MCTP2: variants seen among roughly 807,000 people sequenced by gnomAD.
The protein encoded by MCTP2 is multiple C2 and transmembrane domain containing 2.
Under a neutral mutation model 111.6 loss-of-function variants are expected in MCTP2, and 132 were observed. That is an observed-to-expected ratio of 1.18 (90% CI 1.03 to 1.37). The LOEUF (loss-of-function observed/expected upper bound fraction) is 1.37, where lower values mean the gene tolerates loss of function less well. Among genes scored for constraint, MCTP2 ranks in the 40% most tolerant of loss-of-function variants. The pLI, the probability that MCTP2 is intolerant of heterozygous loss-of-function variation, is 0.00. For missense variants in MCTP2, 1,183 were observed against 1,067.9 expected, an observed-to-expected ratio of 1.11 and a Z score of -1.50; for synonymous variants, 395 against 387.7, an observed-to-expected ratio of 1.02 and a Z score of -0.22.
chr15:94,349,992 G>A (rs368344592), intron 8 of MCTP2, among the ~76,000 whole-genome samples: 1 of 152,190 alleles, frequency 6.6e-6, no homozygotes, highest in African/African-American at 2.4e-5. Flanking sequence ...GCCGCAGCTG[G>A]TAATGGTTAG....
At chr15:94,379,757 A>G (rs2080003411) in intron 12 of MCTP2, among the ~76,000 whole-genome samples, 2 of 146,862 alleles carry the variant, frequency 1.4e-5, no homozygotes, top group East Asian at 3.9e-4. Context: ...TATATAATAT[A>G]TATAATATAT....
rs542776603 is a variant in MCTP2 at position 94,326,088 on chromosome 15, G to A, written c.637+10451G>A. 2.2e-3 allele frequency among the ~76,000 whole-genome samples: 342 copies of A among 152,026 alleles called. 4 individuals are homozygous for A. The highest frequency in any genetic ancestry group is 1.9e-3 in the Non-Finnish European group (132 of 67,974). On this transcript the variant is annotated intron_variant, in intron 4 of 22. Transcript: ENST00000357742. ...CCTGCCTCAGCCTCCCAAAGTGCTG[G>A]GATTACAGGCATGAGCCACCGTGGC...
At chr15:94,249,588 C>T (rs1317135056) in intron 1 of MCTP2, among the ~76,000 whole-genome samples, 1 of 151,972 alleles carries the variant, frequency 6.6e-6, no homozygotes, top group East Asian at 1.9e-4. Context: ...TGGGTTCACG[C>T]CATTCTCCTG....
chr15:94,248,003 A>G (rs115442477), intron 1 of MCTP2, among the ~76,000 whole-genome samples: 2,003 of 152,280 alleles, frequency 0.013, 39 homozygotes, highest in African/African-American at 0.045. Context: ...GGAGTAGATT[A>G]GGAGATTAAG....
chr15:94,369,208 T>A (rs937899484), intron 11 of MCTP2, among the ~76,000 whole-genome samples: 3 of 152,240 alleles, frequency 2.0e-5, no homozygotes, highest in Admixed American at 1.3e-4. Flanking sequence ...TTAGGCAAAC[T>A]GTTATTAAGC....
In MCTP2 at chr15:94,338,807, A is replaced by G. The variant is rs567608537; in HGVS notation, c.638-483A>G. Among the ~76,000 whole-genome samples the G allele has an allele frequency of 1.1e-4, 16 of 152,346 alleles. No homozygotes were observed. The South Asian group carries it at 3.3e-3, about 32-fold the overall frequency. The stretch of plus-strand genomic sequence containing the variant: ...CGCCTCCAGTTTCACTTGTAGCCCC[A>G]TCGTGCCATCTTTTGAGCCAGTGAT... On this transcript the variant is annotated intron_variant, in intron 4 of 22. Transcript: ENST00000357742.
At position 94,481,964 on chromosome 15, in the gene MCTP2, T is replaced by G. The variant is rs1293184624; in HGVS notation, c.*2930T>G. The G allele has an allele frequency of 3.9e-5, 6 of 152,244 alleles. No individual in the cohort carries two copies. The highest frequency in any genetic ancestry group is 3.9e-4 in the Admixed American group (6 of 15,288). The allele number at this position is 152,244 out of a possible 1,614,324, so 9.4% of individuals were successfully genotyped here. On this transcript the variant is annotated 3_prime_UTR_variant, in exon 23 of 23. Coordinates refer to ENST00000357742, the MANE Select transcript of MCTP2 (RefSeq NM_001385001.1). ...TTTGTGTGATATTATTTATAATCCC[T>G]GACTATGTCAATTATAAACTTTTAA...
At chr15:94,296,902 G>A (rs1464363913) in intron 1 of MCTP2, among the ~76,000 whole-genome samples, 1 of 152,178 alleles carries the variant, frequency 6.6e-6, no homozygotes, top group Non-Finnish European at 1.5e-5. Flanking sequence ...TTAGGCAAGG[G>A]CTATAGAGAC....
chr15:94,392,639 C>T (rs1279496213), intron 14 of MCTP2, among the ~76,000 whole-genome samples: 1 of 151,680 alleles, frequency 6.6e-6, no homozygotes, highest in African/African-American at 2.4e-5. Context: ...ATGGTGAAAC[C>T]CTGTTTTCTA....
chr15:94,385,616 G>T, intron 14 of MCTP2, 91 bp downstream of exon 14: 2 of 883,774 alleles, frequency 2.3e-6, no homozygotes, highest in South Asian at 1.4e-5. Context: ...TGTCAACCTG[G>T]GGGAAAAAAA....
intron 1 of MCTP2, among the ~76,000 whole-genome samples, chr15:94,247,105 G>C (rs1226876132): frequency 6.6e-6 from 1 of 152,120 alleles, no homozygotes; most frequent in Non-Finnish European, 1.5e-5. Context: ...AAAAACCTTT[G>C]TAGATTCACA....
intron 4 of MCTP2, 40 bp from the exon 5 acceptor site, chr15:94,339,250 G>T (rs772959571): frequency 2.0e-6 from 3 of 1,475,746 alleles, no homozygotes; most frequent in Non-Finnish European, 2.8e-6. Context: ...GCTTTTACAT[G>T]TATTTTAAAA....
intron 1 of MCTP2, among the ~76,000 whole-genome samples, chr15:94,257,158 T>C (rs984364113): frequency 2.0e-5 from 3 of 152,208 alleles, no homozygotes; most frequent in African/African-American, 7.2e-5. Context: ...CCATTCCTAT[T>C]TTTGGAATCC....
At chr15:94,301,387 T>G (rs529783177) in intron 2 of MCTP2, among the ~76,000 whole-genome samples, 1 of 152,118 alleles carries the variant, frequency 6.6e-6, no homozygotes, top group African/African-American at 2.4e-5. Flanking sequence ...CTACCCAGTC[T>G]GAGTTCCAAA....
At chr15:94,281,181 C>T (rs1198687591) in intron 1 of MCTP2, among the ~76,000 whole-genome samples, 3 of 152,144 alleles carry the variant, frequency 2.0e-5, no homozygotes, top group Non-Finnish European at 4.4e-5. Context: ...AAGTCTCCCC[C>T]TAGTATTGTG....
At chr15:94,381,770 A>G (rs1009604892) in intron 12 of MCTP2, among the ~76,000 whole-genome samples, 1 of 152,198 alleles carries the variant, frequency 6.6e-6, no homozygotes, top group Non-Finnish European at 1.5e-5. Context: ...CTTCTTGTTC[A>G]CAGTTGCTGA....
chr15:94,429,706 C>G lies in MCTP2; in HGVS notation c.2086-10470C>G, dbSNP rs1443024893. On this transcript the variant is annotated intron_variant, in intron 17 of 22. Coordinates refer to ENST00000357742, the MANE Select transcript of MCTP2 (RefSeq NM_001385001.1). ...CTAGTTGCTTCCTTGCTAAGGTTAT[C>G]CAGTCTGATATCTTTAAATGCTATC... 2.0e-5 allele frequency among the ~76,000 whole-genome samples: 3 copies of G among 152,222 alleles called. No homozygotes were observed. In the East Asian group the frequency reaches 5.8e-4, roughly 29 times the overall value.
intron 16 of MCTP2, among the ~76,000 whole-genome samples, chr15:94,400,558 T>A (rs982287077): frequency 6.6e-6 from 1 of 151,996 alleles, no homozygotes; most frequent in Non-Finnish European, 1.5e-5. Context: ...TCTCATTCAG[T>A]TCAACAAAAG....
intron 4 of MCTP2, among the ~76,000 whole-genome samples, chr15:94,330,874 A>G (rs1011027728): frequency 2.7e-5 from 4 of 150,662 alleles, no homozygotes; most frequent in African/African-American, 5.0e-5. Context: ...AGCTGGGACA[A>G]AAGCTGCGCA....
Sources: gnomAD v4.1 joint callset for allele counts (sites outside exome capture counted in the v4.1 genomes callset) on GRCh38, gnomAD v4.1.1 for gene constraint, MANE v1.5 for transcripts, NCBI Gene and HGNC (gene_info 2026-07-23, HGNC 2026-07-21) for gene names.